Variants in PLEKHA5 observed in about 807,000 individuals in gnomAD.
The protein encoded by PLEKHA5 is pleckstrin homology domain containing A5.
PLEKHA5 carries 55 observed loss-of-function variants against 181.9 expected under a neutral mutation model. The observed-to-expected ratio is 0.30, with a 90% CI of 0.24 to 0.38. The LOEUF is 0.38. Ranked by LOEUF, PLEKHA5 falls within the 10% of genes least tolerant of loss-of-function variation. The pLI, the probability that PLEKHA5 is intolerant of heterozygous loss-of-function variation, is 1.00. For synonymous variants in PLEKHA5, 535 were observed against 529.4 expected (o/e 1.01, Z -0.15); for missense variants, 1,432 against 1,549.5 (o/e 0.92, Z 1.27).
At chr12:19,155,099 C>G (rs1490738668) in intron 3 of PLEKHA5, among the ~76,000 whole-genome samples, 1 of 152,160 alleles carries the variant, frequency 6.6e-6, no homozygotes, top group South Asian at 2.1e-4. Context: ...GTGCCACTCA[C>G]AAGTTCCTTC....
intron 20 of PLEKHA5, among the ~76,000 whole-genome samples, chr12:19,332,734 G>A (rs1417869196): frequency 6.6e-6 from 1 of 152,172 alleles, no homozygotes; most frequent in Admixed American, 6.5e-5. Flanking sequence ...CACAATCTCA[G>A]CTCACTGCAA....
intron 14 of PLEKHA5, 59 bp downstream of exon 14, chr12:19,290,855 C>G: frequency 6.9e-7 from 1 of 1,447,126 alleles, no homozygotes; most frequent in Admixed American, 2.1e-5. Context: ...TTGAAACACT[C>G]ATCAGTCAAT....
intron 16 of PLEKHA5, among the ~76,000 whole-genome samples, chr12:19,315,877 G>A (rs1183324477): frequency 6.6e-6 from 1 of 151,972 alleles, no homozygotes; most frequent in Non-Finnish European, 1.5e-5. Context: ...TGATCAGAGG[G>A]TGACTTATAT....
chr12:19,368,471 G>A (rs1024926834), intron 30 of PLEKHA5, among the ~76,000 whole-genome samples: 2 of 151,866 alleles, frequency 1.3e-5, no homozygotes, highest in Admixed American at 6.6e-5. Context: ...TTTCCAGCCT[G>A]AGCAACAGAG....
rs774384414 is a variant in PLEKHA5, at chr12:19,269,849, T to C, written c.791T>C (p.Leu264Ser). Residue 264 changes from leucine (L) to serine (S), a missense_variant, in exon 9 of 32, where the codon TTA becomes TCA. This residue lies in a region of PLEKHA5 where 289 missense variants were observed against 381.1 expected (regional missense o/e 0.76). Transcript: ENST00000429027. ...KEMELWMKAM[L>S]DAALVQTEPV... ...ATGGAGTTGTGGATGAAAGCCATGTTAGATGCTGCCCTAGTACAGACAGAA... is the reference window on the plus strand; with the variant it reads ...ATGGAGTTGTGGATGAAAGCCATGTCAGATGCTGCCCTAGTACAGACAGAA... The C allele has an allele frequency of 1.9e-6, 3 of 1,604,606 alleles. No individual in the cohort carries two copies. Among genetic ancestry groups the C allele is most frequent in the Non-Finnish European group, 2.6e-6 (3 of 1,171,334 alleles).
chr12:19,333,239 C>T (rs1248846108), intron 20 of PLEKHA5, among the ~76,000 whole-genome samples: 1 of 151,824 alleles, frequency 6.6e-6, no homozygotes, highest in Non-Finnish European at 1.5e-5. Flanking sequence ...GAGCTGAGAT[C>T]GCACCGTTAC....
chr12:19,174,188 G>A (rs12308778), intron 3 of PLEKHA5, among the ~76,000 whole-genome samples: 2 of 152,060 alleles, frequency 1.3e-5, no homozygotes, highest in Non-Finnish European at 2.9e-5. Flanking sequence ...CAATGTAAAT[G>A]CCTGTAAGGG....
Position 19,211,463 on chromosome 12 carries a change from G to A in PLEKHA5, c.228-42477G>A, listed in dbSNP as rs1434276861. The stretch of plus-strand genomic sequence containing the variant: ...TCCTGAGGCAGAGATGGAGTGATGG[G>A]ACCACAAGCCAAGGCATGCAGAAGC... On this transcript the variant is annotated intron_variant, in intron 3 of 31. Coordinates refer to ENST00000429027, the MANE Select transcript of PLEKHA5 (RefSeq NM_001256470.2). Among the ~76,000 whole-genome samples, 3 of 152,060 alleles carry A rather than the reference G, an allele frequency of 2.0e-5. No homozygotes were observed. In the East Asian group the frequency reaches 5.8e-4, roughly 29 times the overall value.
intron 3 of PLEKHA5, among the ~76,000 whole-genome samples, chr12:19,176,035 A>G (rs1265430170): frequency 6.6e-6 from 1 of 152,172 alleles, no homozygotes; most frequent in Non-Finnish European, 1.5e-5. Context: ...TTCTGGGTCT[A>G]GATGTTAAAA....
intron 3 of PLEKHA5, among the ~76,000 whole-genome samples, chr12:19,133,980 A>G (rs2034838086): frequency 6.6e-6 from 1 of 152,044 alleles, no homozygotes; most frequent in Non-Finnish European, 1.5e-5. Context: ...CAGGTCATTT[A>G]TTCAATGTAA....
At chr12:19,212,618 G>A (rs1278209750) in intron 3 of PLEKHA5, among the ~76,000 whole-genome samples, 1 of 151,940 alleles carries the variant, frequency 6.6e-6, no homozygotes, top group African/African-American at 2.4e-5. Flanking sequence ...GAGGCAGACA[G>A]GGCAAAACCC....
chr12:19,304,832 T>C (rs1054073852), intron 15 of PLEKHA5, among the ~76,000 whole-genome samples: 9 of 151,670 alleles, frequency 5.9e-5, no homozygotes, highest in African/African-American at 1.7e-4. Flanking sequence ...TGATGCCTCA[T>C]GCCTGTAATC....
chr12:19,208,509 A>T (rs1462620527), intron 3 of PLEKHA5, among the ~76,000 whole-genome samples: 6 of 152,272 alleles, frequency 3.9e-5, no homozygotes, highest in African/African-American at 1.4e-4. Flanking sequence ...TGTCTGCTCC[A>T]TTGGCCCAGC....
At chr12:19,195,089 C>T (rs373186192) in intron 3 of PLEKHA5, among the ~76,000 whole-genome samples, 10 of 152,044 alleles carry the variant, frequency 6.6e-5, no homozygotes, top group East Asian at 1.9e-4. Flanking sequence ...ATAGTCTTAC[C>T]GTAGTAAGAC....
chr12:19,298,408 C>CTTTTTTTTTTTTTTTTTTTT (rs533661916), intron 15 of PLEKHA5, among the ~76,000 whole-genome samples: 3 of 106,314 alleles, frequency 2.8e-5, no homozygotes, highest in East Asian at 2.8e-4. Context: ...ATTTTTTTAG[C>CTTTTTTTTTTTTTTTTTTTT]TTTTTTTTTT....
At chr12:19,306,910 G>C (rs542249378) in intron 15 of PLEKHA5, 1 of 830,452 alleles carries the variant, frequency 1.2e-6, no homozygotes, top group East Asian at 2.4e-5. Flanking sequence ...GTTGGCACCA[G>C]CTAATGCAAT....
Position 19,256,251 on chromosome 12 carries a change from A to C in PLEKHA5, c.432+1086A>C, listed in dbSNP as rs2066848853. 2.0e-5 allele frequency among the ~76,000 whole-genome samples: 3 copies of C among 152,306 alleles called. No homozygotes were observed. In the South Asian group the frequency reaches 6.2e-4, roughly 32 times the overall value. On this transcript the variant is annotated intron_variant, in intron 5 of 31. Coordinates refer to ENST00000429027, the MANE Select transcript of PLEKHA5 (RefSeq NM_001256470.2). ...CATTTCCACCTGCAGATTTCCAAAG[A>C]TCAGAAAGTTTCATAACACAGCACA...
chr12:19,227,617 G>C (rs368583778), intron 3 of PLEKHA5, among the ~76,000 whole-genome samples: 1 of 152,158 alleles, frequency 6.6e-6, no homozygotes, highest in Admixed American at 6.5e-5. Context: ...AAGGGCAAAT[G>C]AATTAATTTC....
At chr12:19,227,757 A>C (rs752716104) in intron 3 of PLEKHA5, among the ~76,000 whole-genome samples, 5 of 152,178 alleles carry the variant, frequency 3.3e-5, no homozygotes, top group Non-Finnish European at 7.4e-5. Flanking sequence ...GAAAAAAAGA[A>C]TGGGCAGTGG....
Sources: gnomAD v4.1 joint callset for allele counts (sites outside exome capture counted in the v4.1 genomes callset) on GRCh38, gnomAD v4.1.1 for gene constraint, gnomAD v4.1.1 regional missense constraint, MANE v1.5 for transcripts, NCBI Gene and HGNC (gene_info 2026-07-23, HGNC 2026-07-21) for gene names.